DST: variants seen among roughly 807,000 people sequenced by gnomAD.
The protein encoded by DST is dystonin, also known as bullous pemphigoid antigen.
A neutral mutation model predicts 875.2 loss-of-function variants in DST; 253 were observed. That is an observed-to-expected ratio of 0.29 (90% confidence interval 0.26 to 0.32). The LOEUF (loss-of-function observed/expected upper bound fraction) is 0.32, where lower values mean the gene tolerates loss of function less well. DST is among the 10% of genes least tolerant of loss of function. The probability of loss-of-function intolerance (pLI) is 1.00; values close to 1 mark genes in which losing one functional copy is unlikely to be tolerated. For synonymous variants in DST, 3,124 were observed against 3,197.1 expected (o/e 0.98, Z 0.77); for missense variants, 8,287 against 9,111.6 (o/e 0.91, Z 3.68).
chr6:56,595,806 T>C (rs2098369990), intron 47 of DST, among the ~76,000 whole-genome samples: 1 of 144,478 alleles, frequency 6.9e-6, no homozygotes, highest in Non-Finnish European at 1.5e-5. Context: ...AGAAGGGCTT[T>C]GCACAAAATA....
At chr6:56,819,674 C>T (rs2099770732) in intron 4 of DST, among the ~76,000 whole-genome samples, 1 of 152,076 alleles carries the variant, frequency 6.6e-6, no homozygotes, top group Admixed American at 6.6e-5. Context: ...TATTTATGTA[C>T]TTTATTAAAA....
At chr6:56,619,620 C>T in intron 36 of DST, 2 of 1,613,906 alleles carry the variant, frequency 1.2e-6, no homozygotes, top group East Asian at 4.5e-5. Context: ...GATTCTAATT[C>T]TAACTGATAA....
At chr6:56,478,231 C>T (rs780586806) in intron 90 of DST, among the ~76,000 whole-genome samples, 9 of 151,988 alleles carry the variant, frequency 5.9e-5, no homozygotes, top group Non-Finnish European at 1.2e-4. Context: ...GGAAATATGG[C>T]AGCATGAATA....
rs201216495 is a variant in DST at position 56,778,471 on chromosome 6, A to G, written c.626-43182T>C. Among the ~76,000 whole-genome samples the G allele has an allele frequency of 2.0e-5, 3 of 148,938 alleles. No individual in the cohort carries two copies. In the East Asian group the frequency reaches 6.0e-4, roughly 30 times the overall value. The stretch of plus-strand genomic sequence containing the variant: ...ATATGTATACATATGCCATGTTGGT[A>G]TGCTGCACCCAGTAACTCATCATTT... On this transcript the variant is annotated intron_variant, in intron 4 of 103. Coordinates refer to ENST00000680361, the MANE Select transcript of DST (RefSeq NM_001374736.1).
At chr6:56,561,605 G>T (rs1350199441) in intron 56 of DST, 56 bp from the exon 57 acceptor site, 42 of 1,533,396 alleles carry the variant, frequency 2.7e-5, no homozygotes, top group Non-Finnish European at 3.5e-5. Context: ...TGGAGCAGAG[G>T]TCTAGAAATA....
At chr6:56,652,183 T>C (rs189873091) in intron 10 of DST, among the ~76,000 whole-genome samples, 90 of 152,304 alleles carry the variant, frequency 5.9e-4, no homozygotes, top group African/African-American at 1.9e-3. Flanking sequence ...CCCTAAACCA[T>C]GCAGAAACTT....
chr6:56,677,519 T>C (rs1419441180), intron 9 of DST, among the ~76,000 whole-genome samples: 1 of 152,140 alleles, frequency 6.6e-6, no homozygotes, highest in Non-Finnish European at 1.5e-5. Context: ...GGGTCTCTTT[T>C]TGTTGTCCAC....
chr6:56,598,312 C>CA (rs2098411339), intron 46 of DST, among the ~76,000 whole-genome samples, 164 bp downstream of exon 46: 1 of 152,224 alleles, frequency 6.6e-6, no homozygotes, highest in Admixed American at 6.5e-5. Context: ...GCCAACTCTT[C>CA]AAACCTTTTG....
chr6:56,493,578 T>C (rs2095819888), intron 83 of DST, among the ~76,000 whole-genome samples: 1 of 152,152 alleles, frequency 6.6e-6, no homozygotes, highest in African/African-American at 2.4e-5. Flanking sequence ...TAATTTAATA[T>C]ACATTTTAAT....
intron 73 of DST, among the ~76,000 whole-genome samples, chr6:56,510,404 T>G (rs963078230): frequency 6.6e-6 from 1 of 152,066 alleles, no homozygotes; most frequent in African/African-American, 2.4e-5. Context: ...AATTGAAAAA[T>G]GTTAAAAAAA....
intron 9 of DST, among the ~76,000 whole-genome samples, chr6:56,693,967 T>C (rs1012681800): frequency 1.3e-5 from 2 of 151,242 alleles, no homozygotes; most frequent in South Asian, 4.1e-4. Context: ...AGGACTTTAA[T>C]GTGATACCAA....
At chr6:56,698,295 G>A (rs5024547) in intron 9 of DST, among the ~76,000 whole-genome samples, 21,585 of 151,004 alleles carry the variant, frequency 0.14, 2,098 homozygotes, top group Non-Finnish European at 0.22. Flanking sequence ...ATTTGTCTAC[G>A]TAACCTGTAT....
At chr6:56,916,855 T>C (rs760386880) in intron 2 of DST, among the ~76,000 whole-genome samples, 2 of 149,200 alleles carry the variant, frequency 1.3e-5, no homozygotes, top group Non-Finnish European at 3.0e-5. Flanking sequence ...CTATTCAGGC[T>C]TTTGGGCTGG....
intron 69 of DST, among the ~76,000 whole-genome samples, chr6:56,518,396 T>G (rs1032743717): frequency 6.6e-6 from 1 of 152,168 alleles, no homozygotes; most frequent in Non-Finnish European, 1.5e-5. Context: ...AAAAAATGTC[T>G]GGGATGACAC....
intron 3 of DST, chr6:56,864,042 AT>A (rs1418744674): frequency 1.8e-4 from 28 of 152,370 alleles, no homozygotes; most frequent in African/African-American, 6.7e-4. Flanking sequence ...TGTGATTAAC[AT>A]TTTATTCAGT....
intron 49 of DST, among the ~76,000 whole-genome samples, chr6:56,580,050 G>C (rs1257604773): frequency 4.6e-5 from 7 of 152,156 alleles, no homozygotes; most frequent in South Asian, 4.1e-4. Context: ...AGTTAGAGTT[G>C]GGAAGAGTCC....
intron 60 of DST, among the ~76,000 whole-genome samples, chr6:56,553,956 C>T (rs563628139): frequency 2.6e-5 from 4 of 151,862 alleles, no homozygotes; most frequent in Admixed American, 6.6e-5. Context: ...TGCCACACAT[C>T]GCCTGCTGTG....
intron 17 of DST, among the ~76,000 whole-genome samples, chr6:56,641,617 AT>A (rs1354710280): frequency 2.6e-5 from 4 of 152,060 alleles, no homozygotes; most frequent in African/African-American, 4.8e-5. Context: ...CTTTTCTTAG[AT>A]TTTTTTCTCT....
chr6:56,586,287 G>T (rs1202300031), intron 49 of DST, among the ~76,000 whole-genome samples: 1 of 151,466 alleles, frequency 6.6e-6, no homozygotes, highest in Non-Finnish European at 1.5e-5. Flanking sequence ...CTCCTGTATT[G>T]GGTGCATATA....
Sources: allele counts gnomAD v4.1 joint callset (sites outside exome capture counted in the v4.1 genomes callset), GRCh38; gene constraint gnomAD v4.1.1; transcripts MANE v1.5; gene names NCBI Gene and HGNC (gene_info 2026-07-23, HGNC 2026-07-21).